The following CAPZA2 variants were observed in gnomAD, a reference collection of about 807,000 sequenced individuals.
CAPZA2 encodes the protein capping actin protein of muscle Z-line subunit alpha 2.
Under a neutral mutation model 44.0 loss-of-function variants are expected in CAPZA2, and 13 were observed. The observed-to-expected ratio is 0.30, with a 90% CI of 0.19 to 0.47. The LOEUF is 0.47. Among genes scored for constraint, CAPZA2 ranks in the 20% least tolerant of loss-of-function variants. The pLI, the probability that CAPZA2 is intolerant of heterozygous loss-of-function variation, is 1.00. For synonymous variants in CAPZA2, 94 were observed against 108.2 expected, an observed-to-expected ratio of 0.87 and a Z score of 0.81; for missense variants, 244 against 338.6, an observed-to-expected ratio of 0.72 and a Z score of 2.19.
At chr7:116,898,187 C>T (rs1370876523) in intron 3 of CAPZA2, among the ~76,000 whole-genome samples, 2 of 151,968 alleles carry the variant, frequency 1.3e-5, no homozygotes, top group Non-Finnish European at 2.9e-5. Context: ...TTTTTCAAGT[C>T]GGTTTTTCAG....
At chr7:116,886,784 C>G (rs1010050606) in intron 1 of CAPZA2, among the ~76,000 whole-genome samples, 17 of 152,326 alleles carry the variant, frequency 1.1e-4, no homozygotes, top group African/African-American at 3.8e-4. Context: ...AAGGACTACA[C>G]TTTCAGGGAC....
At chr7:116,877,406 A>G (rs1197996663) in intron 1 of CAPZA2, among the ~76,000 whole-genome samples, 4 of 152,324 alleles carry the variant, frequency 2.6e-5, no homozygotes, top group Non-Finnish European at 4.4e-5. Context: ...ATGAAGTGAT[A>G]TGGCAAGCGG....
intron 1 of CAPZA2, among the ~76,000 whole-genome samples, chr7:116,878,590 A>G (rs768617631): frequency 2.0e-5 from 3 of 152,164 alleles, no homozygotes; most frequent in Non-Finnish European, 4.4e-5. Context: ...AAAGCCCCAC[A>G]TCTTAACTGC....
chr7:116,876,608 C>T (rs1445561655), intron 1 of CAPZA2, among the ~76,000 whole-genome samples: 1 of 152,172 alleles, frequency 6.6e-6, no homozygotes, highest in Non-Finnish European at 1.5e-5. Context: ...TCCTTGCTTC[C>T]TGTGTGCCTT....
chr7:116,890,704 G>A (rs768149789), intron 2 of CAPZA2, among the ~76,000 whole-genome samples: 44 of 135,368 alleles, frequency 3.3e-4, no homozygotes, highest in Non-Finnish European at 6.0e-4. Context: ...CTCAAACCCA[G>A]GAGGCGGAGG....
intron 9 of CAPZA2, among the ~76,000 whole-genome samples, chr7:116,917,356 G>A (rs565395288): frequency 2.4e-4 from 36 of 152,224 alleles, no homozygotes; most frequent in Admixed American, 1.3e-3. Context: ...CCAGGTTCAC[G>A]CCATTCTCCC....
chr7:116,912,241 CGT>C, intron 8 of CAPZA2, 101 bp downstream of exon 8: 1 of 1,510,376 alleles, frequency 6.6e-7, no homozygotes, highest in Non-Finnish European at 8.9e-7. Flanking sequence ...TTCAGATTAC[CGT>C]GTTTTCTGAT....
rs1791589334 is a variant in CAPZA2 at position 116,911,044 on chromosome 7, A to G, written c.585+733A>G. ...GTGATTGTTTGAAGATTTAGTTAAT[A>G]TGGCTAAAAGGGTTAGGACAGACAG... On this transcript the variant is annotated intron_variant, in intron 7 of 9. Transcript: ENST00000361183. 2.0e-5 allele frequency among the ~76,000 whole-genome samples: 3 copies of G among 150,854 alleles called. No homozygotes were observed. In the South Asian group the frequency reaches 6.3e-4, roughly 32 times the overall value.
At chr7:116,905,817 ATAAGTAAGTTAATTTATTCC>A (rs1376060266) in intron 5 of CAPZA2, among the ~76,000 whole-genome samples, 1 of 152,244 alleles carries the variant, frequency 6.6e-6, no homozygotes, top group Non-Finnish European at 1.5e-5. Context: ...TTTCTCACTT[ATAAGTAAGTTAATTTATTCC>A]AGTACTTTTA....
intron 1 of CAPZA2, among the ~76,000 whole-genome samples, chr7:116,873,013 T>C (rs1427005244): frequency 6.6e-6 from 1 of 152,180 alleles, no homozygotes; most frequent in South Asian, 2.1e-4. Flanking sequence ...TCTGTATTTT[T>C]TCCAAGCTTT....
At chr7:116,913,750 G>A (rs544015647) in intron 8 of CAPZA2, among the ~76,000 whole-genome samples, 3 of 147,006 alleles carry the variant, frequency 2.0e-5, no homozygotes, top group East Asian at 2.0e-4. Context: ...CTACAGGCAC[G>A]TGCCACCACA....
At chr7:116,882,020 T>G (rs532186105) in intron 1 of CAPZA2, among the ~76,000 whole-genome samples, 1 of 152,310 alleles carries the variant, frequency 6.6e-6, no homozygotes, top group African/African-American at 2.4e-5. Context: ...AGAAGTGATA[T>G]GTTCTCAGTA....
At chr7:116,917,631 C>A in intron 9 of CAPZA2, 96 bp from the exon 10 acceptor site, 1 of 863,006 alleles carries the variant, frequency 1.2e-6, no homozygotes, top group Non-Finnish European at 1.9e-6. Context: ...GTGAAACAGG[C>A]TGCTTAAATA....
At chr7:116,893,442 A>G (rs1796877762) in intron 3 of CAPZA2, among the ~76,000 whole-genome samples, 1 of 152,096 alleles carries the variant, frequency 6.6e-6, no homozygotes, top group African/African-American at 2.4e-5. Context: ...AAGTGTTTTT[A>G]AAGCACTAAT....
intron 4 of CAPZA2, among the ~76,000 whole-genome samples, chr7:116,901,913 A>ATG (rs959191779): frequency 4.3e-5 from 3 of 69,156 alleles, no homozygotes; most frequent in Non-Finnish European, 6.2e-5. Flanking sequence ...GTGTGTGTGT[A>ATG]TGTGTGTATA....
At chr7:116,903,327 C>T (rs915296761) in intron 4 of CAPZA2, among the ~76,000 whole-genome samples, 2 of 151,286 alleles carry the variant, frequency 1.3e-5, no homozygotes, top group African/African-American at 2.4e-5. Context: ...AGTCGCTTCT[C>T]GGCCTTTTGG....
At chr7:116,868,352 T>A (rs1271793743) in intron 1 of CAPZA2, among the ~76,000 whole-genome samples, 1 of 152,232 alleles carries the variant, frequency 6.6e-6, no homozygotes, top group Admixed American at 6.5e-5. Context: ...TATATACTTC[T>A]CCCTCAGTGA....
intron 1 of CAPZA2, 119 bp downstream of exon 1, chr7:116,862,769 G>A (rs1453585344): frequency 2.6e-6 from 3 of 1,155,344 alleles, no homozygotes; most frequent in Non-Finnish European, 2.4e-6. Context: ...GCCCTCGGCT[G>A]CCCTTCCTCC....
At chr7:116,902,833 C>T (rs1002696882) in intron 4 of CAPZA2, among the ~76,000 whole-genome samples, 32 of 152,138 alleles carry the variant, frequency 2.1e-4, no homozygotes, top group African/African-American at 7.5e-4. Flanking sequence ...ATCTCCTGGG[C>T]TGAGTAGCTG....
Sources: gnomAD v4.1 joint callset for allele counts (sites outside exome capture counted in the v4.1 genomes callset) on GRCh38, gnomAD v4.1.1 for gene constraint, MANE v1.5 for transcripts, NCBI Gene and HGNC (gene_info 2026-07-23, HGNC 2026-07-21) for gene names.